Variants in KIFAP3 observed in about 807,000 individuals in gnomAD.
KIFAP3 encodes the protein kinesin associated protein 3.
KIFAP3 carries 68 observed loss-of-function variants against 106.5 expected under a neutral mutation model. The observed-to-expected ratio is 0.64, with a 90% CI of 0.53 to 0.78. KIFAP3 has a LOEUF of 0.78. KIFAP3 is among the 30% of genes least tolerant of loss of function. KIFAP3 has a pLI of 0.00. For synonymous variants in KIFAP3, 320 were observed against 311.5 expected (o/e 1.03, Z -0.29); for missense variants, 780 against 941.8 (o/e 0.83, Z 2.25).
chr1:170,034,328 A>G, intron 7 of KIFAP3, 44 bp downstream of exon 7: 1 of 1,568,684 alleles, frequency 6.4e-7, no homozygotes, highest in South Asian at 1.2e-5. Context: ...CAAAACTTAA[A>G]GCAAAAGACA....
chr1:169,972,018 C>G (rs971736461), intron 17 of KIFAP3, among the ~76,000 whole-genome samples: 1 of 151,806 alleles, frequency 6.6e-6, no homozygotes, highest in African/African-American at 2.4e-5. Context: ...AGTCATGTAT[C>G]CTTTAAAAAC....
chr1:170,046,235 C>CAA (rs139623149), intron 3 of KIFAP3, among the ~76,000 whole-genome samples: 8,987 of 64,570 alleles, frequency 0.14, 391 homozygotes, highest in Non-Finnish European at 0.19. Flanking sequence ...AAAAAGGAAA[C>CAA]AGAGAAAATA....
intron 19 of KIFAP3, 111 bp from the exon 20 acceptor site, chr1:169,921,892 G>C (rs2101755905): frequency 1.4e-6 from 1 of 735,272 alleles, no homozygotes; most frequent in South Asian, 1.7e-5. Context: ...AGCAGGGATA[G>C]TGATTTAGGT....
chr1:170,069,086 A>G (rs1481946329), intron 1 of KIFAP3, among the ~76,000 whole-genome samples: 1 of 151,354 alleles, frequency 6.6e-6, no homozygotes, highest in Non-Finnish European at 1.5e-5. Flanking sequence ...TTACAAGAGA[A>G]TAATATGAAC....
At chr1:170,060,637 C>A (rs1380149424) in intron 1 of KIFAP3, among the ~76,000 whole-genome samples, 1 of 152,164 alleles carries the variant, frequency 6.6e-6, no homozygotes, top group Non-Finnish European at 1.5e-5. Context: ...CAATGACTTT[C>A]TTCACAGAAT....
At chr1:170,010,198 A>G (rs1400965601) in intron 10 of KIFAP3, among the ~76,000 whole-genome samples, 1 of 152,070 alleles carries the variant, frequency 6.6e-6, no homozygotes, top group Non-Finnish European at 1.5e-5. Flanking sequence ...AATATTTAAG[A>G]GAAGGAAAAC....
chr1:169,990,871 G>C (rs1362236133), intron 11 of KIFAP3, among the ~76,000 whole-genome samples: 1 of 151,940 alleles, frequency 6.6e-6, no homozygotes, highest in African/African-American at 2.4e-5. Context: ...AAAGAATTTT[G>C]ATGAAACATT....
At chr1:169,978,646 C>A (rs1032573084) in intron 15 of KIFAP3, among the ~76,000 whole-genome samples, 4 of 151,736 alleles carry the variant, frequency 2.6e-5, no homozygotes, top group African/African-American at 7.2e-5. Context: ...ATTAATAAAC[C>A]TTTAATATCA....
chr1:170,022,768 T>C (rs1197240219), intron 9 of KIFAP3, among the ~76,000 whole-genome samples: 1 of 152,202 alleles, frequency 6.6e-6, no homozygotes, highest in Non-Finnish European at 1.5e-5. Flanking sequence ...ACCTCAGTTT[T>C]TCCTCAATAA....
chr1:169,978,990 C>T (rs1666371190), intron 15 of KIFAP3, among the ~76,000 whole-genome samples: 1 of 151,930 alleles, frequency 6.6e-6, no homozygotes, highest in African/African-American at 2.4e-5. Flanking sequence ...TACAGTATTC[C>T]CTCACTTAAT....
intron 11 of KIFAP3, among the ~76,000 whole-genome samples, chr1:169,988,517 C>G (rs1666949820): frequency 6.6e-6 from 1 of 151,908 alleles, no homozygotes; most frequent in African/African-American, 2.4e-5. Context: ...TATATTAACT[C>G]TAAGATATTC....
rs564874735 is a variant in KIFAP3 at position 169,963,746 on chromosome 1, G to A, written c.1984-2511C>T. ...TGACCTCAGGTAATCTGCCTGCCTCGGCCTCCCAAAGTACTGGGATTACAG... is the reference window on the plus strand; with the variant it reads ...TGACCTCAGGTAATCTGCCTGCCTCAGCCTCCCAAAGTACTGGGATTACAG... On this transcript the variant is annotated intron_variant, in intron 17 of 19. Coordinates refer to ENST00000361580, the MANE Select transcript of KIFAP3 (RefSeq NM_014970.4). Among the ~76,000 whole-genome samples the A allele has an allele frequency of 6.6e-5, 10 of 152,116 alleles. 1 individual carries two copies. Among genetic ancestry groups the A allele is most frequent in the South Asian group, 6.2e-4 (3 of 4,814 alleles).
chr1:169,995,349 T>C (rs1200147575), intron 10 of KIFAP3, among the ~76,000 whole-genome samples: 1 of 152,106 alleles, frequency 6.6e-6, no homozygotes, highest in African/African-American at 2.4e-5. Flanking sequence ...AATTGAGATA[T>C]TTGAAAATCT....
At chr1:170,051,882 T>A (rs1670592677) in intron 2 of KIFAP3, among the ~76,000 whole-genome samples, 2 of 151,960 alleles carry the variant, frequency 1.3e-5, no homozygotes, top group Non-Finnish European at 2.9e-5. Flanking sequence ...AATGCCCACA[T>A]CAGAAAGGTG....
At chr1:169,947,852 G>C (rs893799496) in intron 19 of KIFAP3, among the ~76,000 whole-genome samples, 3 of 151,446 alleles carry the variant, frequency 2.0e-5, no homozygotes, top group Admixed American at 2.0e-4. Context: ...CATTTAAAAA[G>C]TGAAGAAGTT....
chr1:169,980,079 T>C (rs990789878), intron 15 of KIFAP3, among the ~76,000 whole-genome samples: 1 of 152,054 alleles, frequency 6.6e-6, no homozygotes. Flanking sequence ...AAATAAACTA[T>C]CTTTTGTTCA....
chr1:170,078,576 C>A (rs558797121), upstream of KIFAP3, among the ~76,000 whole-genome samples: 8 of 152,076 alleles, frequency 5.3e-5, no homozygotes, highest in African/African-American at 1.7e-4. Flanking sequence ...ATGAAATAAG[C>A]AAATACCTTG....
intron 9 of KIFAP3, among the ~76,000 whole-genome samples, chr1:170,021,791 A>T: frequency 6.6e-6 from 1 of 151,986 alleles, no homozygotes; most frequent in East Asian, 1.9e-4. Context: ...AATATGTGCA[A>T]TTAGTCAATC....
chr1:170,065,081 T>C (rs12137423), intron 1 of KIFAP3, among the ~76,000 whole-genome samples: 9,590 of 152,264 alleles, frequency 0.063, 388 homozygotes, highest in Non-Finnish European at 0.095. Context: ...TGTTAGAATT[T>C]GACTTTAAAA....
Sources: gnomAD v4.1 joint callset for allele counts (sites outside exome capture counted in the v4.1 genomes callset) on GRCh38, gnomAD v4.1.1 for gene constraint, MANE v1.5 for transcripts, NCBI Gene and HGNC (gene_info 2026-07-23, HGNC 2026-07-21) for gene names.